Variants in TGM6 observed in about 807,000 individuals in gnomAD.
TGM6 encodes the protein transglutaminase 6.
TGM6 carries 74 observed loss-of-function variants against 77.5 expected under a neutral mutation model. That is an observed-to-expected ratio of 0.96 (90% CI 0.79 to 1.16). TGM6 has a LOEUF of 1.16. TGM6 is among the 50% of genes most tolerant of loss of function. The pLI, the probability that TGM6 is intolerant of heterozygous loss-of-function variation, is 0.00. For missense variants in TGM6, 968 were observed against 940.2 expected, an observed-to-expected ratio of 1.03 and a Z score of -0.39; for synonymous variants, 383 against 378.9, an observed-to-expected ratio of 1.01 and a Z score of -0.12.
At chr20:2,394,221 G>C (rs572889617) in intron 1 of TGM6, among the ~76,000 whole-genome samples, 2 of 152,306 alleles carry the variant, frequency 1.3e-5, no homozygotes, top group East Asian at 3.9e-4. Context: ...TTGAACCTGG[G>C]AGGCAGAGGT....
intron 9 of TGM6, among the ~76,000 whole-genome samples, chr20:2,404,189 C>T (rs534113626): frequency 9.9e-5 from 15 of 152,276 alleles, no homozygotes; most frequent in South Asian, 8.3e-4. Context: ...CTAGGACAAA[C>T]GCATGGCACA....
intron 9 of TGM6, among the ~76,000 whole-genome samples, chr20:2,404,555 G>A (rs1042550693): frequency 6.6e-6 from 1 of 152,014 alleles, no homozygotes; most frequent in South Asian, 2.1e-4. Context: ...CTGGAAGGTT[G>A]CTAAAGAGGA....
At chr20:2,418,023 G>GT (rs1280680957) in intron 10 of TGM6, among the ~76,000 whole-genome samples, 1 of 151,820 alleles carries the variant, frequency 6.6e-6, no homozygotes, top group Non-Finnish European at 1.5e-5. Flanking sequence ...TGGTTTTCGG[G>GT]TTTTTTTGAG....
At chr20:2,404,641 C>CT (rs112338778) in intron 9 of TGM6, among the ~76,000 whole-genome samples, 20,694 of 147,216 alleles carry the variant, frequency 0.14, 1,824 homozygotes, top group Middle Eastern at 0.26. Context: ...TCTGGTTGCA[C>CT]TTTTTTTTTT....
In TGM6 at chr20:2,417,581, T is replaced by C. The variant is rs369457769; in HGVS notation, c.1678+8T>C. On this transcript the variant is annotated splice_region_variant and intron_variant, in intron 10 of 12. Transcript: ENST00000202625. ...GGCTGGGGCCGCAAGAAGGTAAGTGTACGCTGGCTTGGTGGAATCAGGCCA... is the reference window on the plus strand; with the variant it reads ...GGCTGGGGCCGCAAGAAGGTAAGTGCACGCTGGCTTGGTGGAATCAGGCCA... 31 of 1,595,116 alleles carry C rather than the reference T, an allele frequency of 1.9e-5. No individual in the cohort carries two copies. The African/African-American group carries it at 3.7e-4, about 19-fold the overall frequency.
chr20:2,401,023 A>T (rs969137617), intron 7 of TGM6, among the ~76,000 whole-genome samples: 1 of 151,872 alleles, frequency 6.6e-6, no homozygotes, highest in Non-Finnish European at 1.5e-5. Flanking sequence ...TGGTCAACAT[A>T]GTGAAACCCC....
chr20:2,397,369 G>A lies in TGM6; in HGVS notation c.544-549G>A, dbSNP rs531124105. 1.7e-3 allele frequency among the ~76,000 whole-genome samples: 258 copies of A among 152,256 alleles called. 1 individual carries two copies. Among genetic ancestry groups the A allele is most frequent in the African/African-American group, 5.8e-3 (239 of 41,548 alleles). ...CTTGACTGTCAGGCTGAGGAGTCAC[G>A]CACTGCCCTGCAGGCCAGGGGTTTA... On this transcript the variant is annotated intron_variant, in intron 4 of 12. Transcript: ENST00000202625.
At chr20:2,428,972 A>AT (rs11481910) in intron 10 of TGM6, among the ~76,000 whole-genome samples, 66,861 of 151,626 alleles carry the variant, frequency 0.44, 15,680 homozygotes, top group African/African-American at 0.61. Flanking sequence ...TATAGGCACA[A>AT]CACCACGCCC....
Position 2,430,482 on chromosome 20 carries a change from A to T in TGM6, c.1715A>T (p.Tyr572Phe), listed in dbSNP as rs1434651095. The change falls in exon 11 of 13, where the codon TAT becomes TTT. Residue 572 changes from tyrosine (Y) to phenylalanine (F), a missense_variant. Transcript: ENST00000202625. The stretch of plus-strand genomic sequence containing the variant: ...CCAATTACAATATCTTACTCTAAGT[A>T]TAAAGAAGACCTGACAGAGGACAAG... The part of the protein sequence containing the change: ...RIPITISYSK[Y>F]KEDLTEDKKI... The T allele has an allele frequency of 2.5e-6, 4 of 1,614,220 alleles. No homozygotes were observed. In the African/African-American group the frequency reaches 4.0e-5, roughly 16 times the overall value.
At chr20:2,421,938 C>T (rs1407056978) in intron 10 of TGM6, among the ~76,000 whole-genome samples, 2 of 152,064 alleles carry the variant, frequency 1.3e-5, no homozygotes, top group African/African-American at 4.8e-5. Flanking sequence ...TTGAGACCAG[C>T]CTGGTCAACA....
At chr20:2,382,954 G>A (rs2084566452) in intron 1 of TGM6, among the ~76,000 whole-genome samples, 1 of 152,170 alleles carries the variant, frequency 6.6e-6, no homozygotes, top group Non-Finnish European at 1.5e-5. Context: ...TTTCAGCTCA[G>A]AGATTCCAAG....
At chr20:2,384,937 C>A (rs373914124) in intron 1 of TGM6, among the ~76,000 whole-genome samples, 3 of 110,828 alleles carry the variant, frequency 2.7e-5, no homozygotes. Flanking sequence ...AGGGTGAAGG[C>A]CCCCAGAGCT....
chr20:2,427,880 C>G (rs144916585), intron 10 of TGM6, among the ~76,000 whole-genome samples: 1 of 152,124 alleles, frequency 6.6e-6, no homozygotes, highest in African/African-American at 2.4e-5. Context: ...CTCAGCCTCC[C>G]AAGTAGCTGA....
Position 2,394,505 on chromosome 20 carries a change from C to A in TGM6, c.61C>A (p.His21Asn), listed in dbSNP as rs775741831. ...WQRSRNGAAH[H>N]TQEYPCPELV... ...GCGGTCGAGGAATGGCGCTGCCCAC[C>A]ACACCCAGGAGTACCCCTGCCCTGA... The change falls in exon 2 of 13, where the codon CAC becomes AAC. Residue 21 changes from histidine (H) to asparagine (N), a missense_variant. His to Asn is a moderately conservative substitution (Grantham distance 68). Transcript: ENST00000202625. The A allele has an allele frequency of 6.2e-7, 1 of 1,611,598 alleles. No homozygotes were observed. Among genetic ancestry groups the A allele is most frequent in the East Asian group, 2.2e-5 (1 of 44,884 alleles).
intron 10 of TGM6, among the ~76,000 whole-genome samples, chr20:2,421,706 C>T (rs148031480): frequency 3.2e-3 from 492 of 152,304 alleles, no homozygotes; most frequent in African/African-American, 0.011. Context: ...CTTTTGCAAA[C>T]ATTTTCTCCC....
chr20:2,431,733 G>A (rs1217787776), intron 12 of TGM6, among the ~76,000 whole-genome samples: 1 of 152,244 alleles, frequency 6.6e-6, no homozygotes, highest in Non-Finnish European at 1.5e-5. Flanking sequence ...TCCCAGTGGA[G>A]CTGGTGTTTG....
chr20:2,383,098 T>A (rs994717951), intron 1 of TGM6, among the ~76,000 whole-genome samples: 1 of 152,208 alleles, frequency 6.6e-6, no homozygotes, highest in Non-Finnish European at 1.5e-5. Flanking sequence ...GATGGGGCAG[T>A]GGCCCCAGAA....
At chr20:2,381,830 A>T (rs954557406) in intron 1 of TGM6, among the ~76,000 whole-genome samples, 2 of 152,188 alleles carry the variant, frequency 1.3e-5, no homozygotes, top group African/African-American at 4.8e-5. Context: ...AGGTGAGAGG[A>T]TCGCTTGAGC....
At chr20:2,415,489 A>G (rs954669398) in intron 9 of TGM6, among the ~76,000 whole-genome samples, 2 of 152,190 alleles carry the variant, frequency 1.3e-5, no homozygotes, top group Non-Finnish European at 2.9e-5. Context: ...CCCACTTTAC[A>G]GATAGGAAAA....
Sources: gnomAD v4.1 joint callset for allele counts (sites outside exome capture counted in the v4.1 genomes callset) on GRCh38, gnomAD v4.1.1 for gene constraint, MANE v1.5 for transcripts, NCBI Gene and HGNC (gene_info 2026-07-23, HGNC 2026-07-21) for gene names.